The following TRPM3 variants were observed in gnomAD, a reference collection of about 807,000 sequenced individuals.
TRPM3 encodes the protein transient receptor potential cation channel subfamily M member 3, also known as long transient receptor potential channel 3.
TRPM3 carries 77 observed loss-of-function variants against 181.2 expected under a neutral mutation model. The ratio of observed to expected loss-of-function variants is 0.42; its 90% confidence interval spans 0.35 to 0.51. The LOEUF (loss-of-function observed/expected upper bound fraction) is 0.51. Ranked by LOEUF, TRPM3 falls within the 20% of genes least tolerant of loss-of-function variation. The pLI, the probability that TRPM3 is intolerant of heterozygous loss-of-function variation, is 0.01. For missense variants in TRPM3, 1,759 were observed against 2,196.7 expected (o/e 0.80, Z 3.98); for synonymous variants, 745 against 796.4 (o/e 0.94, Z 1.09).
chr9:71,298,290 A>T (rs1369941825), intron 1 of TRPM3, among the ~76,000 whole-genome samples: 1 of 152,162 alleles, frequency 6.6e-6, no homozygotes, highest in Non-Finnish European at 1.5e-5. Context: ...CAGGAAGTAT[A>T]ATCCATACAT....
chr9:70,780,737 C>T (rs530917764), intron 7 of TRPM3, among the ~76,000 whole-genome samples: 2 of 152,110 alleles, frequency 1.3e-5, no homozygotes, highest in Admixed American at 6.6e-5. Flanking sequence ...TTTCCTGGAG[C>T]AAGAGCACAC....
chr9:70,536,797 C>T lies in TRPM3; in HGVS notation c.4316G>A (p.Gly1439Asp). 6.2e-7 allele frequency: 1 copy of T among 1,614,126 alleles called. No homozygotes were observed. The change falls in exon 26 of 26, where the codon GGC becomes GAC. Residue 1439 changes from glycine to aspartate, a missense_variant. By Grantham distance (94) the Gly-to-Asp change is moderately conservative. Around this residue, in one of 8 missense-constraint regions of TRPM3, gnomAD observed 612 missense variants for 590.0 expected, o/e 1.04. Coordinates refer to ENST00000677713, the MANE Select transcript of TRPM3 (RefSeq NM_001366145.2). ...LDNSVNILGL[G>D]EPSFSTPVPS... The stretch of plus-strand genomic sequence containing the variant: ...TACTGGAGTTGAAAAGCTTGGCTCG[C>T]CCAGCCCAAGGATGTTCACGGAATT...
At chr9:70,807,771 G>A (rs2091022386) in intron 6 of TRPM3, among the ~76,000 whole-genome samples, 1 of 152,132 alleles carries the variant, frequency 6.6e-6, no homozygotes, top group Admixed American at 6.6e-5. Flanking sequence ...TGTGGGAGAG[G>A]CTGATATAGA....
chr9:70,935,576 T>A (rs2096821368), intron 1 of TRPM3, among the ~76,000 whole-genome samples: 1 of 152,200 alleles, frequency 6.6e-6, no homozygotes, highest in Admixed American at 6.5e-5. Flanking sequence ...TGTACGATGT[T>A]ATCTATGACC....
intron 1 of TRPM3, among the ~76,000 whole-genome samples, chr9:70,993,435 C>G (rs2097508190): frequency 6.6e-6 from 1 of 152,086 alleles, no homozygotes; most frequent in Admixed American, 6.5e-5. Flanking sequence ...AAAGAGGAAT[C>G]AAGAACAACT....
chr9:71,052,723 C>T (rs2133195876), intron 1 of TRPM3, among the ~76,000 whole-genome samples: 1 of 152,052 alleles, frequency 6.6e-6, no homozygotes, highest in Non-Finnish European at 1.5e-5. Flanking sequence ...AACCAGATAA[C>T]CATTCAAAAA....
intron 1 of TRPM3, among the ~76,000 whole-genome samples, chr9:71,036,414 C>T (rs182345133): frequency 6.6e-6 from 1 of 152,284 alleles, no homozygotes; most frequent in South Asian, 2.1e-4. Context: ...TGGTTTTTAG[C>T]AAGCACATAT....
intron 1 of TRPM3, among the ~76,000 whole-genome samples, chr9:70,978,796 C>T (rs2097333168): frequency 6.6e-6 from 1 of 152,234 alleles, no homozygotes; most frequent in Non-Finnish European, 1.5e-5. Flanking sequence ...TGGCTACACA[C>T]TCACTGATGC....
intron 1 of TRPM3, among the ~76,000 whole-genome samples, chr9:71,370,082 T>C (rs1187233159): frequency 6.6e-6 from 1 of 152,196 alleles, no homozygotes; most frequent in Non-Finnish European, 1.5e-5. Flanking sequence ...AATTGATAAA[T>C]TCGTGTGTTC....
chr9:70,585,413 C>T (rs1286800173), intron 22 of TRPM3, among the ~76,000 whole-genome samples: 1 of 152,170 alleles, frequency 6.6e-6, no homozygotes, highest in Non-Finnish European at 1.5e-5. Flanking sequence ...TCTCTATCTC[C>T]TGTCCAGCTT....
intron 11 of TRPM3, among the ~76,000 whole-genome samples, chr9:70,636,719 G>A (rs541313738): frequency 3.7e-5 from 5 of 135,988 alleles, no homozygotes; most frequent in East Asian, 4.3e-4. Flanking sequence ...AGTTAGTCTC[G>A]CTCTGTCACC....
chr9:71,347,675 G>A (rs1474545307), intron 1 of TRPM3, among the ~76,000 whole-genome samples: 1 of 152,014 alleles, frequency 6.6e-6, no homozygotes, highest in Non-Finnish European at 1.5e-5. Flanking sequence ...CAGAACTTTG[G>A]GAGCCTGATG....
At chr9:71,188,849 C>T (rs2077840261) in intron 1 of TRPM3, among the ~76,000 whole-genome samples, 1 of 151,780 alleles carries the variant, frequency 6.6e-6, no homozygotes, top group Non-Finnish European at 1.5e-5. Flanking sequence ...AAAATTGAAA[C>T]AAGGATTAAA....
chr9:71,355,545 A>G (rs1394939636), intron 1 of TRPM3, among the ~76,000 whole-genome samples: 2 of 152,176 alleles, frequency 1.3e-5, no homozygotes, highest in African/African-American at 2.4e-5. Flanking sequence ...CTGTGAGAAA[A>G]TAAGTTTCTG....
intron 1 of TRPM3, among the ~76,000 whole-genome samples, chr9:70,973,258 C>T (rs2097264306): frequency 6.6e-6 from 1 of 152,258 alleles, no homozygotes; most frequent in East Asian, 1.9e-4. Flanking sequence ...CATTATCATA[C>T]TGACAAGGCC....
At chr9:71,056,277 G>T (rs1421419700) in intron 1 of TRPM3, among the ~76,000 whole-genome samples, 1 of 152,004 alleles carries the variant, frequency 6.6e-6, no homozygotes, top group Non-Finnish European at 1.5e-5. Flanking sequence ...ACAGTATGCT[G>T]CCTCTTGTTC....
chr9:70,629,215 C>CGGGTGGCGGG (rs2065250202), intron 12 of TRPM3, among the ~76,000 whole-genome samples: 3 of 10,162 alleles, frequency 3.0e-4, no homozygotes, highest in African/African-American at 6.2e-4. Context: ...TGACCAGTGC[C>CGGGTGGCGGG]GGGGGGGGGG....
intron 1 of TRPM3, among the ~76,000 whole-genome samples, chr9:71,019,762 T>C (rs1198516498): frequency 6.6e-6 from 1 of 152,068 alleles, no homozygotes; most frequent in East Asian, 1.9e-4. Context: ...GGCCCACAAA[T>C]AGCCAAAACA....
At chr9:71,348,551 T>C (rs2091423867) in intron 1 of TRPM3, among the ~76,000 whole-genome samples, 1 of 142,852 alleles carries the variant, frequency 7.0e-6, no homozygotes, top group African/African-American at 2.8e-5. Flanking sequence ...TATTTATTTA[T>C]ATATTTATTT....
Sources: gnomAD v4.1 joint callset for allele counts (sites outside exome capture counted in the v4.1 genomes callset) on GRCh38, gnomAD v4.1.1 for gene constraint, gnomAD v4.1.1 regional missense constraint, MANE v1.5 for transcripts, NCBI Gene and HGNC (gene_info 2026-07-23, HGNC 2026-07-21) for gene names.